ROR2: variants seen among roughly 807,000 people sequenced by gnomAD.
ROR2 encodes tyrosine-protein kinase transmembrane receptor ROR2.
In ROR2, 33 loss-of-function variants were observed where a neutral mutation model predicts 74.9. The ratio of observed to expected loss-of-function variants is 0.44; its 90% CI spans 0.33 to 0.59. The LOEUF (loss-of-function observed/expected upper bound fraction) is 0.59. Among genes scored for constraint, ROR2 ranks in the 20% least tolerant of loss-of-function variants. The pLI, the probability that ROR2 is intolerant of heterozygous loss-of-function variation, is 0.02. For missense variants in ROR2, 1,216 were observed against 1,313.8 expected (o/e 0.93, Z 1.15); for synonymous variants, 586 against 558.7 (o/e 1.05, Z -0.69).
At chr9:91,880,767 T>C (rs1304583218) in intron 1 of ROR2, among the ~76,000 whole-genome samples, 1 of 152,250 alleles carries the variant, frequency 6.6e-6, no homozygotes, top group African/African-American at 2.4e-5. Context: ...CTGCCTGCAC[T>C]CTTCAGAAAT....
At chr9:91,909,847 GTTTTTTTT>G (rs71362365) in intron 1 of ROR2, among the ~76,000 whole-genome samples, 2 of 53,598 alleles carry the variant, frequency 3.7e-5, no homozygotes, top group African/African-American at 1.6e-4. Context: ...GGTTTGTTTT[GTTTTTTTT>G]TTTTTTTTTT....
At chr9:91,846,258 A>T (rs62564595) in intron 1 of ROR2, among the ~76,000 whole-genome samples, 60,753 of 152,158 alleles carry the variant, frequency 0.4, 14,182 homozygotes, top group African/African-American at 0.63. Flanking sequence ...AACCTCAGTA[A>T]GACGGTGTTT....
At chr9:91,881,058 C>A (rs1039958883) in intron 1 of ROR2, among the ~76,000 whole-genome samples, 1 of 152,104 alleles carries the variant, frequency 6.6e-6, no homozygotes, top group Non-Finnish European at 1.5e-5. Context: ...TCTTGCCAGC[C>A]GCTTACTTTC....
chr9:91,909,858 T>TG (rs1400890961), intron 1 of ROR2, among the ~76,000 whole-genome samples: 8 of 127,534 alleles, frequency 6.3e-5, no homozygotes, highest in South Asian at 2.8e-4. Context: ...TTTTTTTTTT[T>TG]TTTTTTTTTT....
At chr9:91,825,889 G>A (rs1423718939) in intron 1 of ROR2, among the ~76,000 whole-genome samples, 1 of 152,230 alleles carries the variant, frequency 6.6e-6, no homozygotes, top group African/African-American at 2.4e-5. Context: ...GAAAGAAAGA[G>A]AAGGTCCTTC....
Position 91,757,517 on chromosome 9 carries a change from A to G in ROR2, c.218T>C (p.Ile73Thr). 6.2e-7 allele frequency: 1 copy of G among 1,613,686 alleles called. No individual in the cohort carries two copies. Among genetic ancestry groups the G allele is most frequent in the Non-Finnish European group, 8.5e-7 (1 of 1,179,970 alleles). The change falls in exon 3 of 9, where the codon ATT (isoleucine) becomes ACT (threonine). Residue 73 changes from isoleucine (I) to threonine (T), a missense_variant. Ile to Thr is a moderately conservative substitution (Grantham distance 89, BLOSUM62 -1). Transcript: ENST00000375708. ...NFLEPVNNIT[I>T]VQGQTAILHC... ...CAGAATTGCCGTCTGGCCTTGGACA[A>G]TGGTGATATTGTTTACTGGCTCCAG...
chr9:91,904,723 C>G (rs766757914), intron 1 of ROR2, among the ~76,000 whole-genome samples: 5 of 152,212 alleles, frequency 3.3e-5, no homozygotes, highest in African/African-American at 1.2e-4. Flanking sequence ...CTGGCTCCTA[C>G]GCTCCACTGC....
At chr9:91,938,877 G>A (rs1214714645) in intron 1 of ROR2, among the ~76,000 whole-genome samples, 1 of 152,182 alleles carries the variant, frequency 6.6e-6, no homozygotes, top group Non-Finnish European at 1.5e-5. Flanking sequence ...ATGTTTCCAT[G>A]TTTCACTCCT....
intron 1 of ROR2, among the ~76,000 whole-genome samples, chr9:91,942,433 T>G (rs1831897919): frequency 6.6e-6 from 1 of 152,196 alleles, no homozygotes; most frequent in South Asian, 2.1e-4. Context: ...CAAACATGTC[T>G]TCTTTAATGA....
At chr9:91,829,953 C>T (rs1222728473) in intron 1 of ROR2, among the ~76,000 whole-genome samples, 1 of 152,226 alleles carries the variant, frequency 6.6e-6, no homozygotes, top group Non-Finnish European at 1.5e-5. Flanking sequence ...TTAATTTCTT[C>T]ACAAATCACA....
chr9:91,903,327 TC>T (rs1416895138), intron 1 of ROR2, among the ~76,000 whole-genome samples: 4 of 151,994 alleles, frequency 2.6e-5, no homozygotes, highest in African/African-American at 9.7e-5. Context: ...CCCGCTGGCT[TC>T]CCCTGCCCAA....
chr9:91,774,643 A>G (rs1048112120), intron 2 of ROR2, among the ~76,000 whole-genome samples: 4 of 152,224 alleles, frequency 2.6e-5, no homozygotes, highest in African/African-American at 4.8e-5. Context: ...CAAGGAGATG[A>G]GAACTCAGTC....
At chr9:91,867,478 G>T (rs1435781298) in intron 1 of ROR2, among the ~76,000 whole-genome samples, 1 of 152,064 alleles carries the variant, frequency 6.6e-6, no homozygotes, top group Non-Finnish European at 1.5e-5. Context: ...TCTGAGACGT[G>T]GACATAGTCA....
At position 91,935,501 on chromosome 9, in the gene ROR2, G is replaced by A. The variant is rs552099463; in HGVS notation, c.97+14366C>T. Among the ~76,000 whole-genome samples, 13 of 152,312 alleles carry A rather than the reference G, an allele frequency of 8.5e-5. No individual in the cohort carries two copies. The East Asian group carries it at 2.1e-3, about 25-fold the overall frequency. On this transcript the variant is annotated intron_variant, in intron 1 of 8. Coordinates refer to ENST00000375708, the MANE Select transcript of ROR2 (RefSeq NM_004560.4). Reference sequence around the variant, plus strand: ...CATCCACTTTGCCTCCTACTTCAAAGGGCTTCCAGGTCCCGCATAAATCAC... The same window carrying A: ...CATCCACTTTGCCTCCTACTTCAAAAGGCTTCCAGGTCCCGCATAAATCAC...
chr9:91,863,648 G>A (rs1030576639), intron 1 of ROR2, among the ~76,000 whole-genome samples: 1 of 152,158 alleles, frequency 6.6e-6, no homozygotes, highest in African/African-American at 2.4e-5. Flanking sequence ...AAAGAAGCTA[G>A]AGACAACAGA....
chr9:91,774,789 T>A (rs901125612), intron 2 of ROR2, among the ~76,000 whole-genome samples: 3 of 152,180 alleles, frequency 2.0e-5, no homozygotes, highest in Non-Finnish European at 4.4e-5. Flanking sequence ...GAAGCATGAT[T>A]CGATACTTTT....
rs544258170 is a variant in ROR2, at chr9:91,907,600, G to A, written c.97+42267C>T. ...TCTTTCTGAGAAAGCCACACCCTGA[G>A]CAGCTACAGGAAGGGCCTCCTCTGC... On this transcript the variant is annotated intron_variant, in intron 1 of 8. Coordinates refer to ENST00000375708, the MANE Select transcript of ROR2 (RefSeq NM_004560.4). Among the ~76,000 whole-genome samples, 233 of 152,294 alleles carry A rather than the reference G, an allele frequency of 1.5e-3. 1 individual carries two copies. Among genetic ancestry groups the A allele is most frequent in the African/African-American group, 5.3e-3 (221 of 41,570 alleles).
intron 2 of ROR2, among the ~76,000 whole-genome samples, chr9:91,758,458 T>C (rs961369276): frequency 6.6e-6 from 1 of 152,114 alleles, no homozygotes; most frequent in Non-Finnish European, 1.5e-5. Flanking sequence ...TGACAAAACA[T>C]GGACATCCCC....
intron 4 of ROR2, among the ~76,000 whole-genome samples, chr9:91,752,934 G>C (rs1023856751): frequency 6.6e-6 from 1 of 152,224 alleles, no homozygotes; most frequent in African/African-American, 2.4e-5. Context: ...CTAGCATCTA[G>C]CTGGTGAGTA....
Sources: allele counts gnomAD v4.1 joint callset (sites outside exome capture counted in the v4.1 genomes callset), GRCh38; gene constraint gnomAD v4.1.1; transcripts MANE v1.5; gene names NCBI Gene and HGNC (gene_info 2026-07-23, HGNC 2026-07-21).